SCAI: variants seen among roughly 807,000 people sequenced by gnomAD.
SCAI encodes suppressor of cancer cell invasion.
A neutral mutation model predicts 92.2 loss-of-function variants in SCAI; 24 were observed. That is an observed-to-expected ratio of 0.26 (90% CI 0.19 to 0.37). The LOEUF (loss-of-function observed/expected upper bound fraction) is 0.37, where lower values mean the gene tolerates loss of function less well. Among genes scored for constraint, SCAI ranks in the 10% least tolerant of loss-of-function variants. The pLI is 1.00. For synonymous variants in SCAI, 261 were observed against 258.6 expected, an observed-to-expected ratio of 1.01 and a Z score of -0.09; for missense variants, 450 against 736.2, an observed-to-expected ratio of 0.61 and a Z score of 4.50.
In SCAI at chr9:124,948,652, A is replaced by T. The variant is rs1346987817; in HGVS notation, c.*4155T>A. ...AGAAGATAGTTGCTTTACCAACTTCAGAAATATACAGATAAAGAAAGAGAA... is the reference window on the plus strand; with the variant it reads ...AGAAGATAGTTGCTTTACCAACTTCTGAAATATACAGATAAAGAAAGAGAA... On this transcript the variant is annotated 3_prime_UTR_variant, in exon 18 of 18. Transcript: ENST00000336505. 6.6e-6 allele frequency: 1 copy of T among 152,198 alleles called. No homozygotes were observed. Among genetic ancestry groups the T allele is most frequent in the African/African-American group, 2.4e-5 (1 of 41,446 alleles). The allele number at this position is 152,198 out of a possible 1,614,324, so 9.4% of individuals were successfully genotyped here.
chr9:125,016,586 T>A (rs1254708461), intron 9 of SCAI, among the ~76,000 whole-genome samples: 1 of 152,078 alleles, frequency 6.6e-6, no homozygotes, highest in Admixed American at 6.6e-5. Flanking sequence ...ATCAGCATAA[T>A]AGACAAACAG....
chr9:124,968,907 G>A (rs2131585815), intron 17 of SCAI: 2 of 386,034 alleles, frequency 5.2e-6, no homozygotes, highest in South Asian at 9.6e-5. Flanking sequence ...TTTCCAAACT[G>A]TAGGAAATCT....
At position 125,008,481 on chromosome 9, in the gene SCAI, G is replaced by A. The variant is rs533486371; in HGVS notation, c.862-4911C>T. Among the ~76,000 whole-genome samples the A allele has an allele frequency of 9.2e-5, 14 of 152,018 alleles. No homozygotes were observed. The Middle Eastern group carries it at 0.01, about 111-fold the overall frequency. On this transcript the variant is annotated intron_variant, in intron 9 of 17. Transcript: ENST00000336505. ...AAATGGGGTTTCATCATGCTGCCCA[G>A]GCTAGGAAAAAAAAATTTAATCTAT...
chr9:125,093,893 G>C (rs1439844418), intron 2 of SCAI, among the ~76,000 whole-genome samples: 1 of 151,978 alleles, frequency 6.6e-6, no homozygotes, highest in Non-Finnish European at 1.5e-5. Context: ...TCTACACACT[G>C]GACTTCTCCC....
At chr9:125,061,252 G>A (rs182131053) in intron 2 of SCAI, among the ~76,000 whole-genome samples, 6 of 152,124 alleles carry the variant, frequency 3.9e-5, no homozygotes, top group Non-Finnish European at 7.4e-5. Flanking sequence ...AGCAGAGATC[G>A]CGCGACTGCA....
chr9:124,998,447 C>T (rs1400104527), intron 13 of SCAI, among the ~76,000 whole-genome samples: 1 of 150,800 alleles, frequency 6.6e-6, no homozygotes, highest in African/African-American at 2.4e-5. Flanking sequence ...AGCAAGATTC[C>T]ATCTCAAAAA....
At chr9:125,002,280 A>G (rs956400929) in intron 11 of SCAI, among the ~76,000 whole-genome samples, 4 of 152,150 alleles carry the variant, frequency 2.6e-5, no homozygotes, top group Non-Finnish European at 5.9e-5. Flanking sequence ...AAACCCCATC[A>G]TTTGGAGAAT....
At chr9:125,124,620 G>C (rs937587837) in intron 2 of SCAI, among the ~76,000 whole-genome samples, 2 of 152,202 alleles carry the variant, frequency 1.3e-5, no homozygotes, top group African/African-American at 4.8e-5. Flanking sequence ...GGCTCACCCA[G>C]ACTCGGAAGG....
chr9:124,991,842 C>CA (rs1179638921), intron 14 of SCAI, among the ~76,000 whole-genome samples: 2 of 151,934 alleles, frequency 1.3e-5, no homozygotes, highest in Non-Finnish European at 2.9e-5. Context: ...GTCTCAAAAA[C>CA]AAAAAACAAA....
intron 7 of SCAI, 78 bp downstream of exon 7, chr9:125,020,595 C>A: frequency 3.1e-6 from 2 of 639,894 alleles, no homozygotes; most frequent in Admixed American, 3.3e-5. Context: ...TTATTTTAAC[C>A]TAAAATCTGT....
At chr9:124,993,500 G>A (rs1832177053) in intron 14 of SCAI, among the ~76,000 whole-genome samples, 1 of 152,210 alleles carries the variant, frequency 6.6e-6, no homozygotes, top group African/African-American at 2.4e-5. Flanking sequence ...TAAGGCAGGA[G>A]AATCGCTTGA....
intron 17 of SCAI, among the ~76,000 whole-genome samples, chr9:124,963,519 G>A (rs907679111): frequency 2.6e-5 from 4 of 151,882 alleles, no homozygotes; most frequent in Non-Finnish European, 4.4e-5. Context: ...GGAGGCTGAG[G>A]CAGGAGGATC....
At chr9:125,068,032 TAA>T (rs1450982346) in intron 2 of SCAI, among the ~76,000 whole-genome samples, 1 of 152,184 alleles carries the variant, frequency 6.6e-6, no homozygotes, top group African/African-American at 2.4e-5. Flanking sequence ...AAAATAATGT[TAA>T]GTCTGCATTA....
At chr9:125,050,701 T>G (rs1305776890) in intron 3 of SCAI, among the ~76,000 whole-genome samples, 2 of 152,094 alleles carry the variant, frequency 1.3e-5, no homozygotes, top group Non-Finnish European at 2.9e-5. Flanking sequence ...GCCTCCCAAG[T>G]TGCTGGGACT....
chr9:125,118,726 A>G (rs1388567213), intron 2 of SCAI, among the ~76,000 whole-genome samples: 3 of 151,762 alleles, frequency 2.0e-5, no homozygotes, highest in Non-Finnish European at 2.9e-5. Flanking sequence ...CATGGCCTCG[A>G]TGAGTGTTGT....
chr9:124,993,282 A>G (rs1670312036), intron 14 of SCAI, among the ~76,000 whole-genome samples: 1 of 152,182 alleles, frequency 6.6e-6, no homozygotes, highest in African/African-American at 2.4e-5. Context: ...CAAAACAAAT[A>G]TACAATTTAA....
intron 17 of SCAI, among the ~76,000 whole-genome samples, chr9:124,958,831 C>T (rs149405827): frequency 0.011 from 1,714 of 149,266 alleles, 89 homozygotes; most frequent in Admixed American, 0.084. Flanking sequence ...TGCTTGAATC[C>T]GGGAGGCAGA....
intron 17 of SCAI, among the ~76,000 whole-genome samples, chr9:124,963,810 A>C (rs542106943): frequency 1.6e-4 from 25 of 151,550 alleles, no homozygotes; most frequent in Non-Finnish European, 2.9e-4. Context: ...AGGAAGAGAA[A>C]TATATTTACT....
intron 2 of SCAI, among the ~76,000 whole-genome samples, chr9:125,067,729 C>A (rs543618833): frequency 6.6e-6 from 1 of 152,154 alleles, no homozygotes; most frequent in African/African-American, 2.4e-5. Context: ...AAGTTCAACG[C>A]CCTTTCATTT....
Sources: gnomAD v4.1 joint callset for allele counts (sites outside exome capture counted in the v4.1 genomes callset) on GRCh38, gnomAD v4.1.1 for gene constraint, MANE v1.5 for transcripts, NCBI Gene and HGNC (gene_info 2026-07-23, HGNC 2026-07-21) for gene names.